ADAM19: variants seen among roughly 807,000 people sequenced by gnomAD.
The protein encoded by ADAM19 is disintegrin and metalloproteinase domain-containing protein 19.
A neutral mutation model predicts 114.7 loss-of-function variants in ADAM19; 65 were observed. The observed-to-expected ratio is 0.57, with a 90% CI of 0.46 to 0.70. ADAM19 has a LOEUF of 0.70. Ranked by LOEUF, ADAM19 falls within the 30% of genes least tolerant of loss-of-function variation. The pLI, the probability that ADAM19 is intolerant of heterozygous loss-of-function variation, is 0.00. For synonymous variants in ADAM19, 466 were observed against 460.5 expected (o/e 1.01, Z -0.15); for missense variants, 1,063 against 1,204.7 (o/e 0.88, Z 1.74).
At chr5:157,559,708 A>C (rs1757460567) in intron 3 of ADAM19, among the ~76,000 whole-genome samples, 1 of 152,178 alleles carries the variant, frequency 6.6e-6, no homozygotes, top group East Asian at 1.9e-4. Context: ...TAGAGAAAAA[A>C]TATGGATTAA....
chr5:157,544,246 C>T (rs1039664902), intron 3 of ADAM19, among the ~76,000 whole-genome samples: 2 of 152,294 alleles, frequency 1.3e-5, no homozygotes, highest in Non-Finnish European at 1.5e-5. Flanking sequence ...AGCAACACTC[C>T]GAAGGCAAAA....
At chr5:157,490,264 G>A (rs1463413863) in intron 19 of ADAM19, 46 bp downstream of exon 19, 6 of 1,607,620 alleles carry the variant, frequency 3.7e-6, no homozygotes, top group Admixed American at 3.3e-5. Context: ...GGAGACCTTT[G>A]TGACCCATAA....
At chr5:157,526,333 AT>A (rs1254085088) in intron 5 of ADAM19, among the ~76,000 whole-genome samples, 1 of 152,148 alleles carries the variant, frequency 6.6e-6, no homozygotes, top group Non-Finnish European at 1.5e-5. Context: ...AAGCTTACAC[AT>A]TCCTGCATGA....
At chr5:157,551,171 G>T (rs1188798526) in intron 3 of ADAM19, among the ~76,000 whole-genome samples, 1 of 151,906 alleles carries the variant, frequency 6.6e-6, no homozygotes, top group Non-Finnish European at 1.5e-5. Flanking sequence ...TTGGGAAGCC[G>T]AGGCAGGCGA....
chr5:157,510,888 T>C (rs1038594284), intron 8 of ADAM19, among the ~76,000 whole-genome samples: 2 of 152,220 alleles, frequency 1.3e-5, no homozygotes, highest in Non-Finnish European at 2.9e-5. Context: ...TCAAATTTTC[T>C]TCCCCATCCC....
At chr5:157,518,527 G>C (rs1340920363) in intron 7 of ADAM19, among the ~76,000 whole-genome samples, 1 of 152,212 alleles carries the variant, frequency 6.6e-6, no homozygotes, top group Non-Finnish European at 1.5e-5. Context: ...TGGGATTACA[G>C]GCATGTGCCA....
chr5:157,575,691 T>C lies in ADAM19; in HGVS notation c.6A>G (p.Pro2=). The C allele has an allele frequency of 8.3e-6, 11 of 1,327,580 alleles. No homozygotes were observed. Among genetic ancestry groups the C allele is most frequent in the Non-Finnish European group, 1.1e-5 (11 of 1,043,050 alleles). 82.2% of individuals were successfully genotyped at this position (1,327,580 alleles called of 1,614,324 possible). A position where few individuals can be genotyped will look rare whatever the true frequency, so the allele number is the denominator to read the frequency against. The change falls in exon 1 of 23, where the codon CCA becomes CCG. Residue 2 remains proline (P), a synonymous_variant. Transcript: ENST00000257527. M[P]GGAGAARLCL... ...AGAGCCGGGCGGCGCCTGCGCCCCC[T>C]GGCATGGTGGCGGCGGCCCTTAGCG...
chr5:157,543,991 C>G (rs924583603), intron 3 of ADAM19, among the ~76,000 whole-genome samples: 1 of 152,206 alleles, frequency 6.6e-6, no homozygotes, highest in Admixed American at 6.5e-5. Flanking sequence ...TACATCAGTA[C>G]TCATTCCACC....
At position 157,479,727 on chromosome 5, in the gene ADAM19, G is replaced by C; in HGVS notation, c.*1222C>G. On this transcript the variant is annotated 3_prime_UTR_variant, in exon 23 of 23. Transcript: ENST00000257527. ...TCCCTGCTCTGACTGTTCCAGTGCAGCTGCTGCTGGCTGCCTTCTCCAGTG... is the reference window on the plus strand; with the variant it reads ...TCCCTGCTCTGACTGTTCCAGTGCACCTGCTGCTGGCTGCCTTCTCCAGTG... The C allele has an allele frequency of 2.0e-6, 2 of 985,908 alleles. No homozygotes were observed. Among genetic ancestry groups the C allele is most frequent in the African/African-American group, 1.7e-5 (1 of 57,372 alleles). The allele number at this position is 985,908 out of a possible 1,614,324, so 61.1% of individuals were successfully genotyped here.
At chr5:157,573,627 G>A (rs1287714139) in intron 1 of ADAM19, among the ~76,000 whole-genome samples, 3 of 151,816 alleles carry the variant, frequency 2.0e-5, no homozygotes. Context: ...ATGCCAATAA[G>A]CCCAGCTACT....
intron 5 of ADAM19, among the ~76,000 whole-genome samples, chr5:157,523,077 G>A (rs1033041220): frequency 3.3e-5 from 5 of 152,128 alleles, no homozygotes; most frequent in Non-Finnish European, 7.4e-5. Context: ...AGAAACTGTG[G>A]CTCAGAGACA....
chr5:157,558,526 G>A (rs747240467), intron 3 of ADAM19, among the ~76,000 whole-genome samples: 2 of 152,176 alleles, frequency 1.3e-5, no homozygotes, highest in African/African-American at 2.4e-5. Flanking sequence ...TAAGAGCATT[G>A]GGATACCATC....
At chr5:157,500,726 CAGA>C (rs1755533077) in intron 12 of ADAM19, among the ~76,000 whole-genome samples, 1 of 152,158 alleles carries the variant, frequency 6.6e-6, no homozygotes, top group Non-Finnish European at 1.5e-5. Flanking sequence ...CTTTCTGGAA[CAGA>C]AGATCTCCAT....
At chr5:157,497,460 C>T (rs1273436432) in intron 13 of ADAM19, among the ~76,000 whole-genome samples, 1 of 152,090 alleles carries the variant, frequency 6.6e-6, no homozygotes, top group African/African-American at 2.4e-5. Flanking sequence ...CATGACAGTC[C>T]TGTGTGATAT....
At chr5:157,525,074 T>C (rs931544256) in intron 5 of ADAM19, among the ~76,000 whole-genome samples, 1 of 152,212 alleles carries the variant, frequency 6.6e-6, no homozygotes, top group Admixed American at 6.5e-5. Context: ...TCAATATTGT[T>C]ATTCCCATTT....
At chr5:157,524,583 C>G (rs897841760) in intron 5 of ADAM19, among the ~76,000 whole-genome samples, 1 of 152,192 alleles carries the variant, frequency 6.6e-6, no homozygotes, top group African/African-American at 2.4e-5. Flanking sequence ...AAGTAACTAC[C>G]CTGCTACCCT....
Position 157,491,895 on chromosome 5 carries a change from C to G in ADAM19, c.1926G>C (p.Gln642His). The G allele has an allele frequency of 6.2e-7, 1 of 1,614,194 alleles. No homozygotes were observed. Among genetic ancestry groups the G allele is most frequent in the Non-Finnish European group, 8.5e-7 (1 of 1,180,022 alleles). ...TTTCAAAGAAGGAGGTGTTCCTGCA[C>G]TGCCCCTCAAAGCAAATCTGCACGG... ...CGYNHICFEGQCRNTSFFETE... is the reference protein window; with the variant it reads ...CGYNHICFEGHCRNTSFFETE... The change falls in exon 17 of 23, where the codon CAG becomes CAC. Residue 642 changes from glutamine (Q) to histidine (H), a missense_variant. Physicochemically the swap from Gln to His is conservative, Grantham distance 24 (BLOSUM62 0). This residue lies in a region of ADAM19 where 424 missense variants were observed against 445.5 expected (regional missense o/e 0.95). Coordinates refer to ENST00000257527, the MANE Select transcript of ADAM19 (RefSeq NM_033274.5).
intron 2 of ADAM19, among the ~76,000 whole-genome samples, chr5:157,569,267 C>G (rs1350537031): frequency 9.0e-6 from 1 of 111,302 alleles, no homozygotes; most frequent in Non-Finnish European, 1.7e-5. Flanking sequence ...GAGACAAGGT[C>G]TTGCATTGTC....
intron 15 of ADAM19, among the ~76,000 whole-genome samples, chr5:157,494,456 A>G (rs1243795467): frequency 1.3e-5 from 2 of 152,210 alleles, no homozygotes; most frequent in African/African-American, 4.8e-5. Flanking sequence ...TCCCCAAAGG[A>G]AGCCCGATCA....
Sources: gnomAD v4.1 joint callset for allele counts (sites outside exome capture counted in the v4.1 genomes callset) on GRCh38, gnomAD v4.1.1 for gene constraint, gnomAD v4.1.1 regional missense constraint, MANE v1.5 for transcripts, NCBI Gene and HGNC (gene_info 2026-07-23, HGNC 2026-07-21) for gene names.